ANK3: variants seen among roughly 807,000 people sequenced by gnomAD.
ANK3 encodes the protein ankyrin-3.
Under a neutral mutation model 370.9 loss-of-function variants are expected in ANK3, and 57 were observed. The ratio of observed to expected loss-of-function variants is 0.15; its 90% CI spans 0.12 to 0.19. The LOEUF (loss-of-function observed/expected upper bound fraction) is 0.19, where lower values mean the gene tolerates loss of function less well. ANK3 is among the 10% of genes least tolerant of loss of function. The pLI is 1.00. For synonymous variants in ANK3, 1,929 were observed against 1,946.3 expected (o/e 0.99, Z 0.23); for missense variants, 4,439 against 5,302.1 (o/e 0.84, Z 5.06).
chr10:60,505,239 T>C (rs1015908344), intron 2 of ANK3, among the ~76,000 whole-genome samples: 4 of 152,180 alleles, frequency 2.6e-5, no homozygotes, highest in Non-Finnish European at 4.4e-5. Context: ...ATTCCAAATA[T>C]ATAAAACTAT....
chr10:60,299,996 G>A (rs771373221), intron 1 of ANK3, among the ~76,000 whole-genome samples: 1 of 151,988 alleles, frequency 6.6e-6, no homozygotes, highest in African/African-American at 2.4e-5. Context: ...ACCTTTTTAC[G>A]CTCTTGGATT....
chr10:60,285,334 T>C (rs1230489826), intron 1 of ANK3, among the ~76,000 whole-genome samples: 1 of 152,138 alleles, frequency 6.6e-6, no homozygotes, highest in Non-Finnish European at 1.5e-5. Flanking sequence ...CTGGTGTAGG[T>C]TCACACTGAC....
chr10:60,121,184 G>A (rs1427362637), intron 25 of ANK3, among the ~76,000 whole-genome samples: 1 of 152,128 alleles, frequency 6.6e-6, no homozygotes, highest in African/African-American at 2.4e-5. Context: ...GGATGGAACT[G>A]GAGGTAATTA....
intron 1 of ANK3, among the ~76,000 whole-genome samples, chr10:60,655,398 G>C (rs1195765650): frequency 6.6e-6 from 1 of 151,560 alleles, no homozygotes; most frequent in African/African-American, 2.4e-5. Flanking sequence ...TATACACCTA[G>C]GATAATGTGT....
At chr10:60,192,780 T>C (rs1230411814) in intron 16 of ANK3, among the ~76,000 whole-genome samples, 3 of 152,144 alleles carry the variant, frequency 2.0e-5, no homozygotes, top group Non-Finnish European at 4.4e-5. Flanking sequence ...CTAAAAGCCC[T>C]GTATTCAGCA....
At chr10:60,391,262 C>T (rs962213688), upstream of ANK3, among the ~76,000 whole-genome samples, 6 of 152,146 alleles carry the variant, frequency 3.9e-5, no homozygotes, top group African/African-American at 1.2e-4. Flanking sequence ...TGCACCGATG[C>T]TCACATGCTT....
intron 18 of ANK3, among the ~76,000 whole-genome samples, chr10:60,176,607 C>CA (rs1165094476): frequency 3.3e-5 from 5 of 151,742 alleles, no homozygotes; most frequent in Non-Finnish European, 7.4e-5. Flanking sequence ...ACTAAAAATA[C>CA]AAAAAATTAG....
intron 14 of ANK3, 40 bp downstream of exon 14, chr10:60,198,300 T>C (rs779107815): frequency 1.1e-5 from 17 of 1,600,768 alleles, no homozygotes; most frequent in Middle Eastern, 1.7e-4. Flanking sequence ...GAAGATGTAT[T>C]TGGGGGGACA....
intron 1 of ANK3, among the ~76,000 whole-genome samples, chr10:60,333,216 G>A (rs1479804663): frequency 1.3e-5 from 2 of 151,848 alleles, no homozygotes; most frequent in African/African-American, 4.8e-5. Context: ...TTGTTACATA[G>A]GTATACACGT....
chr10:60,605,384 G>C (rs1482010878), intron 2 of ANK3, among the ~76,000 whole-genome samples: 3 of 152,004 alleles, frequency 2.0e-5, no homozygotes, highest in Non-Finnish European at 4.4e-5. Flanking sequence ...TTGAGGCAGG[G>C]AGTTTGAGAC....
Position 60,082,170 on chromosome 10 carries a change from C to T in ANK3, c.4330G>A (p.Glu1444Lys). The change falls in exon 35 of 44, where the codon GAG becomes AAG. Residue 1444 changes from glutamate to lysine, a missense_variant. Around this residue, in one of 13 missense-constraint regions of ANK3, gnomAD observed 702 missense variants for 941.5 expected, o/e 0.75. Transcript: ENST00000280772. ...ITLPAHKKETESDQDDEIEKT... is the reference protein window; with the variant it reads ...ITLPAHKKETKSDQDDEIEKT... ...ATTACCTCATCATCTTGATCTGACT[C>T]TGTCTCCTTTTGGTTCCAAGATGCA... is the stretch of plus-strand genomic sequence containing the variant. 1 of 1,610,450 alleles carries T rather than the reference C, an allele frequency of 6.2e-7. No homozygotes were observed. The highest frequency in any genetic ancestry group is 1.7e-5 in the Admixed American group (1 of 59,668).
intron 2 of ANK3, among the ~76,000 whole-genome samples, chr10:60,577,776 T>A (rs1380452840): frequency 2.0e-5 from 3 of 152,258 alleles, no homozygotes; most frequent in Non-Finnish European, 4.4e-5. Context: ...TTTAATGTGA[T>A]GAAAGCATCT....
intron 2 of ANK3, among the ~76,000 whole-genome samples, chr10:60,484,348 A>T (rs2075297844): frequency 6.6e-6 from 1 of 152,094 alleles, no homozygotes; most frequent in Non-Finnish European, 1.5e-5. Flanking sequence ...TCAAATCTTG[A>T]CTCTTCCAAT....
chr10:60,478,630 G>A lies in ANK3; in HGVS notation c.96+136556C>T, dbSNP rs2075132410. On this transcript the variant is annotated intron_variant, in intron 2 of 43. Coordinates refer to the ANK3 transcript ENST00000373827. ...ATAATTTTGTTAGCCTGAAAAGGAA[G>A]GTGAAAGGAGAAAATGATGTTTTTG... Among the ~76,000 whole-genome samples, 4 of 152,040 alleles carry A rather than the reference G, an allele frequency of 2.6e-5. No homozygotes were observed. In the South Asian group the frequency reaches 6.2e-4, roughly 24 times the overall value.
intron 2 of ANK3, chr10:60,508,277 T>G (rs571258540): frequency 6.6e-6 from 1 of 152,584 alleles, no homozygotes; most frequent in South Asian, 2.1e-4. Context: ...TTCAGGCTTT[T>G]GGTAAAAATT....
chr10:60,202,621 A>G (rs919546141), intron 12 of ANK3, among the ~76,000 whole-genome samples: 1 of 152,196 alleles, frequency 6.6e-6, no homozygotes, highest in African/African-American at 2.4e-5. Context: ...TATAATAACA[A>G]TAAGGCCGGG....
chr10:60,076,520 AG>A, intron 36 of ANK3, 72 bp from the exon 37 acceptor site: 1 of 1,489,762 alleles, frequency 6.7e-7, no homozygotes, highest in Non-Finnish European at 8.9e-7. Flanking sequence ...GAGAGACCAG[AG>A]AAAAAAATTG....
chr10:60,205,925 C>T (rs1298480610), intron 10 of ANK3, 35 bp from the exon 11 acceptor site: 17 of 1,361,772 alleles, frequency 1.2e-5, no homozygotes, highest in Non-Finnish European at 1.6e-5. Flanking sequence ...TGCTTGACTA[C>T]ATTCCATCAA....
intron 2 of ANK3, among the ~76,000 whole-genome samples, chr10:60,415,898 T>C (rs910281574): frequency 9.4e-5 from 14 of 148,958 alleles, no homozygotes; most frequent in South Asian, 2.2e-4. Flanking sequence ...TTTGGTTCAT[T>C]GTATGGTCTG....
Sources: gnomAD v4.1 joint callset for allele counts (sites outside exome capture counted in the v4.1 genomes callset) on GRCh38, gnomAD v4.1.1 for gene constraint, gnomAD v4.1.1 regional missense constraint, MANE v1.5 for transcripts, NCBI Gene and HGNC (gene_info 2026-07-23, HGNC 2026-07-21) for gene names.